BBX: variants seen among roughly 807,000 people sequenced by gnomAD.
BBX encodes the protein BBX high mobility group box domain containing.
A neutral mutation model predicts 100.2 loss-of-function variants in BBX; 30 were observed. That is an observed-to-expected ratio of 0.30 (90% CI 0.22 to 0.41). The LOEUF (loss-of-function observed/expected upper bound fraction) is 0.41. Among genes scored for constraint, BBX ranks in the 10% least tolerant of loss-of-function variants. The pLI, the probability that BBX is intolerant of heterozygous loss-of-function variation, is 1.00. For synonymous variants in BBX, 376 were observed against 388.1 expected, an observed-to-expected ratio of 0.97 and a Z score of 0.37; for missense variants, 1,023 against 1,129.8, an observed-to-expected ratio of 0.91 and a Z score of 1.35.
intron 2 of BBX, among the ~76,000 whole-genome samples, chr3:107,582,292 T>C (rs867756084): frequency 6.8e-6 from 1 of 146,546 alleles, no homozygotes; most frequent in Admixed American, 6.8e-5. Flanking sequence ...ATGTGGAAGC[T>C]TTTTTTTTTT....
At chr3:107,570,084 G>A (rs1207892587) in intron 2 of BBX, among the ~76,000 whole-genome samples, 1 of 152,216 alleles carries the variant, frequency 6.6e-6, no homozygotes, top group Non-Finnish European at 1.5e-5. Flanking sequence ...CCAGTGGCCA[G>A]ATTTCCAGCA....
intron 15 of BBX, among the ~76,000 whole-genome samples, chr3:107,794,611 A>G (rs2069410870): frequency 6.6e-6 from 1 of 152,188 alleles, no homozygotes; most frequent in African/African-American, 2.4e-5. Flanking sequence ...AATAGTTGCT[A>G]TATAACTTCA....
chr3:107,576,768 T>C (rs1174641533), intron 2 of BBX, among the ~76,000 whole-genome samples: 2 of 152,202 alleles, frequency 1.3e-5, no homozygotes, highest in African/African-American at 4.8e-5. Flanking sequence ...TAGGGGCTTA[T>C]ATCTTTGGTT....
intron 3 of BBX, among the ~76,000 whole-genome samples, chr3:107,664,827 A>G (rs2058656633): frequency 2.0e-5 from 3 of 152,156 alleles, no homozygotes; most frequent in South Asian, 4.1e-4. Context: ...ACAGAGGACT[A>G]TTTGCAAGCT....
At chr3:107,535,700 C>G (rs1404470233) in intron 2 of BBX, among the ~76,000 whole-genome samples, 1 of 150,650 alleles carries the variant, frequency 6.6e-6, no homozygotes, top group Non-Finnish European at 1.5e-5. Context: ...TCAAGCGATT[C>G]TTGTGCCTCA....
At chr3:107,637,110 A>G (rs531253429) in intron 2 of BBX, among the ~76,000 whole-genome samples, 1 of 152,358 alleles carries the variant, frequency 6.6e-6, no homozygotes, top group African/African-American at 2.4e-5. Flanking sequence ...GCTTACAGCA[A>G]AATTGAGTGG....
intron 3 of BBX, among the ~76,000 whole-genome samples, chr3:107,704,930 G>C (rs2061305871): frequency 6.6e-6 from 1 of 152,158 alleles, no homozygotes; most frequent in Non-Finnish European, 1.5e-5. Flanking sequence ...TGGAGGATGA[G>C]AAGGACTTTC....
At chr3:107,716,478 A>G in intron 4 of BBX, 129 bp from the exon 5 acceptor site, 1 of 1,150,558 alleles carries the variant, frequency 8.7e-7, no homozygotes, top group Non-Finnish European at 1.2e-6. Flanking sequence ...TTAAAATTAT[A>G]TTTTTTTCAA....
chr3:107,758,306 GA>G (rs1219760499), intron 10 of BBX, among the ~76,000 whole-genome samples: 2 of 152,120 alleles, frequency 1.3e-5, no homozygotes, highest in Non-Finnish European at 2.9e-5. Flanking sequence ...AGGCAAAAAA[GA>G]AAACTGAAGG....
At chr3:107,659,688 C>T in intron 3 of BBX, 1 of 1,261,426 alleles carries the variant, frequency 7.9e-7, no homozygotes, top group Non-Finnish European at 1.0e-6. Flanking sequence ...CCTAACCACA[C>T]CACCACACTG....
At chr3:107,544,941 C>T (rs955688634) in intron 2 of BBX, among the ~76,000 whole-genome samples, 1 of 151,328 alleles carries the variant, frequency 6.6e-6, no homozygotes, top group Non-Finnish European at 1.5e-5. Flanking sequence ...GGCATGAACC[C>T]GGGAGGTGGA....
intron 16 of BBX, among the ~76,000 whole-genome samples, 157 bp downstream of exon 16, chr3:107,798,877 G>A (rs370957973): frequency 3.3e-5 from 5 of 151,088 alleles, no homozygotes; most frequent in African/African-American, 4.9e-5. Flanking sequence ...CAGGCCAGGC[G>A]CGGTGGCTCA....
intron 7 of BBX, among the ~76,000 whole-genome samples, chr3:107,739,640 A>G (rs1411058501): frequency 6.6e-6 from 1 of 152,198 alleles, no homozygotes; most frequent in Non-Finnish European, 1.5e-5. Flanking sequence ...GTAGAGTGGA[A>G]GGTGGGCAGA....
chr3:107,628,370 CTTT>C (rs567113384), intron 2 of BBX, among the ~76,000 whole-genome samples: 1 of 151,300 alleles, frequency 6.6e-6, no homozygotes, highest in Admixed American at 6.6e-5. Flanking sequence ...CAAGAGTTTG[CTTT>C]TTTTATTGAA....
At chr3:107,619,357 C>A (rs945704068) in intron 2 of BBX, among the ~76,000 whole-genome samples, 1 of 151,860 alleles carries the variant, frequency 6.6e-6, no homozygotes, top group South Asian at 2.1e-4. Context: ...TGGTGCATAA[C>A]CCCATAACCC....
intron 3 of BBX, among the ~76,000 whole-genome samples, chr3:107,648,111 T>C (rs1166193564): frequency 6.6e-6 from 1 of 152,238 alleles, no homozygotes; most frequent in Non-Finnish European, 1.5e-5. Flanking sequence ...GCTGCTTTTT[T>C]AGAGACAGAA....
chr3:107,653,826 A>G (rs1245785181), intron 3 of BBX, among the ~76,000 whole-genome samples: 1 of 152,168 alleles, frequency 6.6e-6, no homozygotes, highest in East Asian at 1.9e-4. Flanking sequence ...TTAGCAACCT[A>G]CTGTTTATGT....
intron 3 of BBX, chr3:107,661,826 A>G: frequency 1.0e-6 from 1 of 970,424 alleles, no homozygotes; most frequent in Non-Finnish European, 1.2e-6. Context: ...TTCTTGTCCC[A>G]GGCACCCTCA....
At chr3:107,757,437 A>T (rs1043425274) in intron 10 of BBX, among the ~76,000 whole-genome samples, 2 of 152,192 alleles carry the variant, frequency 1.3e-5, no homozygotes, top group African/African-American at 4.8e-5. Context: ...TAACGGGGTA[A>T]AATGACTGAA....
Sources: allele counts gnomAD v4.1 joint callset (sites outside exome capture counted in the v4.1 genomes callset), GRCh38; gene constraint gnomAD v4.1.1; transcripts MANE v1.5; gene names NCBI Gene and HGNC (gene_info 2026-07-23, HGNC 2026-07-21).